Variants in AXDND1 observed in about 807,000 individuals in gnomAD.
AXDND1 encodes axonemal dynein light chain domain containing 1.
Under a neutral mutation model 137.5 loss-of-function variants are expected in AXDND1, and 110 were observed. The ratio of observed to expected loss-of-function variants is 0.80; its 90% CI spans 0.69 to 0.94. AXDND1 has a LOEUF of 0.94. AXDND1 is among the 40% of genes least tolerant of loss of function. AXDND1 has a pLI of 0.00. For synonymous variants in AXDND1, 414 were observed against 399.7 expected, an observed-to-expected ratio of 1.04 and a Z score of -0.43; for missense variants, 1,191 against 1,169.8, an observed-to-expected ratio of 1.02 and a Z score of -0.26.
intron 11 of AXDND1, among the ~76,000 whole-genome samples, chr1:179,398,131 C>T (rs1294116381): frequency 6.6e-6 from 1 of 152,124 alleles, no homozygotes; most frequent in Non-Finnish European, 1.5e-5. Context: ...ATGTTTGTTT[C>T]ATCTTTGAAG....
At chr1:179,486,184 A>G (rs2125554823) in intron 18 of AXDND1, among the ~76,000 whole-genome samples, 1 of 151,862 alleles carries the variant, frequency 6.6e-6, no homozygotes, top group South Asian at 2.1e-4. Context: ...TTCATAATGC[A>G]ATTGCAAGTA....
intron 9 of AXDND1, among the ~76,000 whole-genome samples, chr1:179,389,265 G>A (rs764572946): frequency 6.6e-5 from 10 of 152,250 alleles, no homozygotes; most frequent in Non-Finnish European, 1.2e-4. Context: ...GAGCCACCAT[G>A]CCCAGCCCAT....
In AXDND1 at chr1:179,418,721, C is replaced by CA. The variant is rs1454675694; in HGVS notation, c.1230+7455_1230+7456insA. ...GGCGGCTGGCCGGGCGGGGGGCTGA[C>CA]CCCCACCTCCCTCCCGGACGGGGTG... is the stretch of plus-strand genomic sequence containing the variant. On this transcript the variant is annotated intron_variant, in intron 12 of 25. Transcript: ENST00000367618. 6.7e-5 allele frequency among the ~76,000 whole-genome samples: 10 copies of CA among 149,934 alleles called. No individual in the cohort carries two copies. In the South Asian group the frequency reaches 8.4e-4, roughly 13 times the overall value.
chr1:179,494,872 A>G lies in AXDND1; in HGVS notation c.2388+1921A>G, dbSNP rs907848739. Among the ~76,000 whole-genome samples, 6 of 152,310 alleles carry G rather than the reference A, an allele frequency of 3.9e-5. No homozygotes were observed. In the South Asian group the frequency reaches 1.2e-3, roughly 32 times the overall value. Reference sequence around the variant, plus strand: ...TCAAGTCTATGACCCATTTTGAGTTAACTTTTAAAAATATGGTGCTGGGGT... The same window carrying G: ...TCAAGTCTATGACCCATTTTGAGTTGACTTTTAAAAATATGGTGCTGGGGT... On this transcript the variant is annotated intron_variant, in intron 20 of 25. Transcript: ENST00000367618.
intron 16 of AXDND1, chr1:179,452,321 G>C (rs1467349466): frequency 6.5e-6 from 1 of 152,992 alleles, no homozygotes; most frequent in Non-Finnish European, 1.5e-5. Flanking sequence ...CTTGAGTGCT[G>C]TTAAAGGCAT....
At chr1:179,374,802 A>C (rs1668415126) in intron 4 of AXDND1, among the ~76,000 whole-genome samples, 1 of 133,626 alleles carries the variant, frequency 7.5e-6, no homozygotes, top group Non-Finnish European at 1.6e-5. Flanking sequence ...AGGGTGGGGA[A>C]CATCACACAC....
intron 25 of AXDND1, chr1:179,548,996 T>C (rs1390257554): frequency 6.6e-6 from 1 of 152,088 alleles, no homozygotes; most frequent in Non-Finnish European, 1.5e-5. Flanking sequence ...TGTCATAGAG[T>C]GTGCCATAGA....
At chr1:179,387,966 T>G (rs952460410) in intron 9 of AXDND1, among the ~76,000 whole-genome samples, 1 of 152,200 alleles carries the variant, frequency 6.6e-6, no homozygotes, top group African/African-American at 2.4e-5. Flanking sequence ...CTTTTCTCTC[T>G]GCTACTCTGT....
At chr1:179,475,825 T>A (rs1184328777) in intron 17 of AXDND1, among the ~76,000 whole-genome samples, 1 of 152,198 alleles carries the variant, frequency 6.6e-6, no homozygotes, top group Non-Finnish European at 1.5e-5. Flanking sequence ...TGGCTCTGTT[T>A]CCCTACCCAA....
intron 12 of AXDND1, among the ~76,000 whole-genome samples, chr1:179,415,096 C>A (rs1217681642): frequency 1.3e-5 from 2 of 152,190 alleles, no homozygotes; most frequent in African/African-American, 4.8e-5. Context: ...AATCCCAGCA[C>A]TTTGGGAGGC....
chr1:179,488,952 C>T lies in AXDND1; in HGVS notation c.2092-2586C>T, dbSNP rs543996366. ...GTTTCACCATCTTGGCCAGGCTGGT[C>T]TTGAACTCCTGACCTCATGATCCAC... On this transcript the variant is annotated intron_variant, in intron 18 of 25. Transcript: ENST00000367618. 6.2e-4 allele frequency among the ~76,000 whole-genome samples: 91 copies of T among 145,802 alleles called. 1 individual carries two copies. The South Asian group carries it at 0.019, about 30-fold the overall frequency.
chr1:179,419,045 T>C (rs1655217881), intron 12 of AXDND1, among the ~76,000 whole-genome samples: 1 of 150,182 alleles, frequency 6.7e-6, no homozygotes, highest in Non-Finnish European at 1.5e-5. Flanking sequence ...CGCTCCTCAC[T>C]TCCTAGATGG....
intron 12 of AXDND1, among the ~76,000 whole-genome samples, chr1:179,414,431 A>ATT (rs1553263721): frequency 4.0e-5 from 6 of 151,450 alleles, no homozygotes; most frequent in African/African-American, 1.2e-4. Flanking sequence ...TTATTTATTT[A>ATT]TTTATTTTTT....
At chr1:179,485,949 C>A (rs1449898385) in intron 18 of AXDND1, among the ~76,000 whole-genome samples, 1 of 151,864 alleles carries the variant, frequency 6.6e-6, no homozygotes, top group African/African-American at 2.4e-5. Flanking sequence ...GAAACCCCAT[C>A]TCTACTAAAA....
rs772571440 is a variant in AXDND1, at chr1:179,541,479, G to GTT, written c.3031+6532_3031+6533dup. 9.9e-4 allele frequency among the ~76,000 whole-genome samples: 138 copies of GTT among 139,784 alleles called. 3 individuals are homozygous for GTT. Among genetic ancestry groups the GTT allele is most frequent in the Middle Eastern group, 3.9e-3 (1 of 258 alleles). The allele number at this position is 139,784 out of a possible 152,430, so 91.7% of individuals were successfully genotyped here. ...CCATCTTGCCGGAAAATCCGTTTTT[G>GTT]TTTTTTTTTTTTTTTTAATAAAAGA... On this transcript the variant is annotated intron_variant, in intron 25 of 25. Coordinates refer to ENST00000367618, the MANE Select transcript of AXDND1 (RefSeq NM_144696.6).
intron 11 of AXDND1, among the ~76,000 whole-genome samples, chr1:179,396,667 A>C (rs1651125923): frequency 6.6e-6 from 1 of 152,026 alleles, no homozygotes; most frequent in African/African-American, 2.4e-5. Flanking sequence ...AAAAAAAAAA[A>C]ACTTGCTTTT....
At chr1:179,447,977 A>G in intron 16 of AXDND1, 1 of 1,409,938 alleles carries the variant, frequency 7.1e-7, no homozygotes, top group South Asian at 1.2e-5. Flanking sequence ...GACACCAGTG[A>G]ACTCCCTGGG....
chr1:179,494,541 C>CTTT (rs34915274), intron 20 of AXDND1, among the ~76,000 whole-genome samples: 1 of 141,568 alleles, frequency 7.1e-6, no homozygotes, highest in Non-Finnish European at 1.5e-5. Context: ...TGTGATTTGT[C>CTTT]TTTTTTTTTT....
intron 25 of AXDND1, among the ~76,000 whole-genome samples, chr1:179,543,048 C>T (rs1199522899): frequency 6.6e-6 from 1 of 152,196 alleles, no homozygotes; most frequent in East Asian, 1.9e-4. Context: ...ATGCAGATAC[C>T]TCTGGAGCAA....
Sources: allele counts gnomAD v4.1 joint callset (sites outside exome capture counted in the v4.1 genomes callset), GRCh38; gene constraint gnomAD v4.1.1; transcripts MANE v1.5; gene names NCBI Gene and HGNC (gene_info 2026-07-23, HGNC 2026-07-21).